ARHGAP6: variants seen among roughly 807,000 people sequenced by gnomAD.
The protein encoded by ARHGAP6 is rho GTPase-activating protein 6.
In ARHGAP6, 16 loss-of-function variants were observed where a neutral mutation model predicts 55.7. The observed-to-expected ratio is 0.29, with a 90% CI of 0.19 to 0.44. The LOEUF (loss-of-function observed/expected upper bound fraction) is 0.44. Ranked by LOEUF, ARHGAP6 falls within the 20% of genes least tolerant of loss-of-function variation. ARHGAP6 has a pLI of 1.00. For synonymous variants in ARHGAP6, 382 were observed against 360.9 expected, an observed-to-expected ratio of 1.06 and a Z score of -0.66; for missense variants, 698 against 808.9, an observed-to-expected ratio of 0.86 and a Z score of 1.66.
chrX:11,499,147 C>A (rs939386011), intron 1 of ARHGAP6, among the ~76,000 whole-genome samples: 1 of 112,120 alleles, frequency 8.9e-6, no homozygotes, highest in Non-Finnish European at 1.9e-5. Flanking sequence ...TCTAAGAATG[C>A]CAAAACAAGT....
chrX:11,340,381 C>T (rs2048688497), intron 1 of ARHGAP6, among the ~76,000 whole-genome samples: 1 of 111,893 alleles, frequency 8.9e-6, no homozygotes, highest in African/African-American at 3.3e-5. Flanking sequence ...TCTTCTCCTC[C>T]TCCAGTCCTC....
intron 1 of ARHGAP6, among the ~76,000 whole-genome samples, chrX:11,624,409 A>T (rs1204417188): frequency 8.9e-6 from 1 of 112,308 alleles, no homozygotes; most frequent in Non-Finnish European, 1.9e-5. Context: ...TCTGCAGTGG[A>T]AAGGAAACAA....
intron 1 of ARHGAP6, among the ~76,000 whole-genome samples, chrX:11,577,865 G>C (rs4830740): frequency 0.28 from 30,893 of 109,087 alleles, 3,442 homozygotes; most frequent in Middle Eastern, 0.39. Flanking sequence ...CAAAATGAAA[G>C]TCATCATCTT....
At chrX:11,160,568 T>C (rs1264387109) in intron 9 of ARHGAP6, among the ~76,000 whole-genome samples, 2 of 111,996 alleles carry the variant, frequency 1.8e-5, no homozygotes, top group Non-Finnish European at 3.8e-5. Flanking sequence ...ACAATATTAA[T>C]TCTTTGAGAG....
intron 1 of ARHGAP6, among the ~76,000 whole-genome samples, chrX:11,330,129 G>C (rs188189369): frequency 5.6e-4 from 63 of 113,147 alleles, no homozygotes; most frequent in South Asian, 1.1e-3. Context: ...CACATCTCAA[G>C]GTGTTCCACC....
At chrX:11,268,775 C>T (rs1278367835) in intron 1 of ARHGAP6, among the ~76,000 whole-genome samples, 2 of 111,184 alleles carry the variant, frequency 1.8e-5, no homozygotes, top group Non-Finnish European at 3.8e-5. Flanking sequence ...CCTTCAAGCC[C>T]GCCTGGCTCT....
intron 1 of ARHGAP6, among the ~76,000 whole-genome samples, chrX:11,492,317 C>T (rs1603230682): frequency 9.0e-6 from 1 of 111,511 alleles, no homozygotes; most frequent in African/African-American, 3.3e-5. Flanking sequence ...AAGACTTAAA[C>T]GTTAGACCTA....
chrX:11,217,000 A>G (rs1420347416), intron 2 of ARHGAP6, among the ~76,000 whole-genome samples: 2 of 111,619 alleles, frequency 1.8e-5, no homozygotes, highest in Non-Finnish European at 3.8e-5. Context: ...TTTGCTGAGA[A>G]TGATGGTTTC....
intron 1 of ARHGAP6, among the ~76,000 whole-genome samples, chrX:11,614,728 ACATGTATTCT>A (rs1451785196): frequency 8.9e-6 from 1 of 112,147 alleles, no homozygotes; most frequent in Non-Finnish European, 1.9e-5. Flanking sequence ...CAAACGTAGC[ACATGTATTCT>A]CAACTAGGCA....
At chrX:11,376,809 G>C (rs749521498) in intron 1 of ARHGAP6, among the ~76,000 whole-genome samples, 42 of 111,421 alleles carry the variant, frequency 3.8e-4, no homozygotes, top group Non-Finnish European at 7.7e-4. Context: ...TCTAAGACCT[G>C]TGGAATATAA....
At chrX:11,642,128 T>G (rs1188930253) in intron 1 of ARHGAP6, among the ~76,000 whole-genome samples, 7 of 111,746 alleles carry the variant, frequency 6.3e-5, no homozygotes, top group African/African-American at 1.9e-4. Context: ...GAATATTAAC[T>G]ATAAGATTTA....
intron 1 of ARHGAP6, among the ~76,000 whole-genome samples, chrX:11,304,777 C>CTTTTTTTTTTTTTT (rs953912280): frequency 8.0e-5 from 4 of 50,308 alleles, no homozygotes; most frequent in African/African-American, 1.7e-4. Context: ...CTTTCTTTTA[C>CTTTTTTTTTTTTTT]TTTTTTTTTT....
intron 1 of ARHGAP6, among the ~76,000 whole-genome samples, chrX:11,332,507 C>T (rs1339352072): frequency 8.9e-6 from 1 of 111,963 alleles, no homozygotes; most frequent in Non-Finnish European, 1.9e-5. Flanking sequence ...AGATCTTCAT[C>T]CCTATGCTTT....
chrX:11,603,339 A>AT (rs773065942), intron 1 of ARHGAP6, among the ~76,000 whole-genome samples: 7 of 111,220 alleles, frequency 6.3e-5, no homozygotes, highest in East Asian at 2.8e-4. Flanking sequence ...TAATTTTATA[A>AT]TTTTTTTTTA....
At chrX:11,600,399 C>A (rs2051954952) in intron 1 of ARHGAP6, among the ~76,000 whole-genome samples, 1 of 112,082 alleles carries the variant, frequency 8.9e-6, no homozygotes, top group Non-Finnish European at 1.9e-5. Context: ...AAAATCTCAG[C>A]GTTGCAGCAG....
intron 1 of ARHGAP6, among the ~76,000 whole-genome samples, chrX:11,382,055 G>C (rs1284882949): frequency 8.9e-6 from 1 of 111,780 alleles, no homozygotes; most frequent in Non-Finnish European, 1.9e-5. Context: ...GATGATGACA[G>C]TGGTGGTGAT....
intron 1 of ARHGAP6, among the ~76,000 whole-genome samples, chrX:11,507,574 C>G (rs1210426727): frequency 2.7e-5 from 3 of 111,812 alleles, no homozygotes; most frequent in Non-Finnish European, 5.6e-5. Flanking sequence ...TCAGGAGATT[C>G]ACTCCTATTT....
rs145371019 is a variant in ARHGAP6, at chrX:11,594,358, A to C, written c.588+69883T>G. On this transcript the variant is annotated intron_variant, in intron 1 of 12. Coordinates refer to ENST00000337414, the MANE Select transcript of ARHGAP6 (RefSeq NM_013427.3). ...AAATCAATGCTTACATTATATAATA[A>C]ATGCTATTTTAAATATATTTAACAC... 8.8e-3 allele frequency among the ~76,000 whole-genome samples: 987 copies of C among 112,271 alleles called. 4 individuals are homozygous for C. The highest frequency in any genetic ancestry group is 0.03 in the South Asian group (80 of 2,704).
At chrX:11,434,477 G>T (rs1390011220) in intron 1 of ARHGAP6, among the ~76,000 whole-genome samples, 1 of 110,860 alleles carries the variant, frequency 9.0e-6, no homozygotes, top group Non-Finnish European at 1.9e-5. Context: ...CCATCTGTGT[G>T]ATCAAAACTG....
Sources: allele counts gnomAD v4.1 joint callset (sites outside exome capture counted in the v4.1 genomes callset), GRCh38; gene constraint gnomAD v4.1.1; transcripts MANE v1.5; gene names NCBI Gene and HGNC (gene_info 2026-07-23, HGNC 2026-07-21).